DHRS9: variants seen among roughly 807,000 people sequenced by gnomAD.
DHRS9 encodes the protein dehydrogenase/reductase SDR family member 9.
DHRS9 carries 18 observed loss-of-function variants against 26.6 expected under a neutral mutation model. That is an observed-to-expected ratio of 0.68 (90% CI 0.47 to 1.00). The LOEUF is 1.00. DHRS9 is among the 50% of genes least tolerant of loss of function. DHRS9 has a pLI of 0.00. For missense variants in DHRS9, 425 were observed against 378.7 expected, an observed-to-expected ratio of 1.12 and a Z score of -1.01; for synonymous variants, 134 against 141.1, an observed-to-expected ratio of 0.95 and a Z score of 0.36.
Position 169,096,025 on chromosome 2 carries a change from A to AT in DHRS9, c.*259dup. ...ATTTAGGCTTTGCCTGCTTGGTGTG[A>AT]TGTAAGGGAAATTGAAAGACTTGCC... is the stretch of plus-strand genomic sequence containing the variant. On this transcript the variant is annotated 3_prime_UTR_variant, in exon 5 of 5. Transcript: ENST00000674881. 2.0e-6 allele frequency: 1 copy of AT among 487,996 alleles called. No individual in the cohort carries two copies. Among genetic ancestry groups the AT allele is most frequent in the Non-Finnish European group, 3.7e-6 (1 of 270,736 alleles). 30.2% of individuals were successfully genotyped at this position (487,996 alleles called of 1,614,324 possible). A position where few individuals can be genotyped will look rare whatever the true frequency, so the allele number is the denominator to read the frequency against.
chr2:169,082,927 C>T (rs963641163), intron 2 of DHRS9, among the ~76,000 whole-genome samples: 3 of 151,664 alleles, frequency 2.0e-5, no homozygotes, highest in Admixed American at 6.6e-5. Flanking sequence ...ATATATCTAA[C>T]GTTAAATGAC....
intron 1 of DHRS9, among the ~76,000 whole-genome samples, chr2:169,079,691 T>C (rs1176791890): frequency 6.6e-6 from 1 of 151,382 alleles, no homozygotes; most frequent in Non-Finnish European, 1.5e-5. Flanking sequence ...CCACCTCTAC[T>C]AAAAATACAA....
chr2:169,083,210 T>C lies in DHRS9; in HGVS notation c.314-119T>C, dbSNP rs551031973. 4 of 1,302,152 alleles carry C rather than the reference T, an allele frequency of 3.1e-6. No homozygotes were observed. In the African/African-American group the frequency reaches 4.4e-5, roughly 14 times the overall value. 80.7% of individuals were successfully genotyped at this position (1,302,152 alleles called of 1,614,324 possible). A position where few individuals can be genotyped will look rare whatever the true frequency, so the allele number is the denominator to read the frequency against. ...CCCAAAACTGCGAAGTATTTCAGAG[T>C]AGGAAAATGACTTCAAGGAGGAAAT... On this transcript the variant is annotated intron_variant, in intron 2 of 4. Transcript: ENST00000674881.
At chr2:169,082,278 C>T (rs974677768) in intron 2 of DHRS9, among the ~76,000 whole-genome samples, 2 of 152,132 alleles carry the variant, frequency 1.3e-5, no homozygotes, top group Non-Finnish European at 2.9e-5. Context: ...TACCTGGCAC[C>T]CACTTCTCCC....
chr2:169,071,278 A>G (rs796150624), intron 1 of DHRS9, among the ~76,000 whole-genome samples: 17 of 152,364 alleles, frequency 1.1e-4, no homozygotes, highest in African/African-American at 4.1e-4. Context: ...GACCATAAAT[A>G]AAGTAATCAT....
chr2:169,084,919 T>C (rs1352482401), intron 3 of DHRS9, among the ~76,000 whole-genome samples: 4 of 152,196 alleles, frequency 2.6e-5, no homozygotes, highest in Non-Finnish European at 5.9e-5. Flanking sequence ...CTAATTGTCC[T>C]GGAGAGTTAC....
chr2:169,093,467 A>G (rs1315534912), intron 4 of DHRS9, among the ~76,000 whole-genome samples: 1 of 152,146 alleles, frequency 6.6e-6, no homozygotes, highest in African/African-American at 2.4e-5. Flanking sequence ...ACTGCCATCA[A>G]ATACTCTACT....
intron 1 of DHRS9, among the ~76,000 whole-genome samples, chr2:169,079,908 AGGGAGGGAGGGG>A (rs1217956400): frequency 1.4e-5 from 1 of 71,598 alleles, no homozygotes; most frequent in Non-Finnish European, 2.5e-5. Context: ...GGAGGGAGGG[AGGGAGGGAGGGG>A]GAGAGAGAGA....
In DHRS9 at chr2:169,096,021, T is replaced by C. The variant is rs1684688294; in HGVS notation, c.*254T>C. ...CTGTATTTAGGCTTTGCCTGCTTGG[T>C]GTGATGTAAGGGAAATTGAAAGACT... is the stretch of plus-strand genomic sequence containing the variant. On this transcript the variant is annotated 3_prime_UTR_variant, in exon 5 of 5. Coordinates refer to ENST00000674881, the MANE Select transcript of DHRS9 (RefSeq NM_001376924.1). 3 of 505,508 alleles carry C rather than the reference T, an allele frequency of 5.9e-6. No individual in the cohort carries two copies. Among genetic ancestry groups the C allele is most frequent in the African/African-American group, 1.9e-5 (1 of 52,196 alleles). The allele number at this position is 505,508 out of a possible 1,614,324, so 31.3% of individuals were successfully genotyped here.
At chr2:169,094,002 G>A (rs1484646617) in intron 4 of DHRS9, among the ~76,000 whole-genome samples, 1 of 152,164 alleles carries the variant, frequency 6.6e-6, no homozygotes, top group Non-Finnish European at 1.5e-5. Flanking sequence ...ATTTGGGGGG[G>A]AAATCTCTAT....
chr2:169,093,346 A>ACACACG (rs1350121225), intron 4 of DHRS9, among the ~76,000 whole-genome samples: 9 of 151,924 alleles, frequency 5.9e-5, no homozygotes, highest in East Asian at 1.9e-4. Flanking sequence ...ACACACACGC[A>ACACACG]CACACACACA....
At chr2:169,072,538 G>C (rs1324577851) in intron 1 of DHRS9, 1 of 865,976 alleles carries the variant, frequency 1.2e-6, no homozygotes, top group Non-Finnish European at 1.4e-6. Context: ...AATAAGAGAA[G>C]TGAAATTAAA....
At chr2:169,091,171 A>C (rs533877728) in intron 3 of DHRS9, among the ~76,000 whole-genome samples, 2 of 152,044 alleles carry the variant, frequency 1.3e-5, no homozygotes, top group Admixed American at 6.6e-5. Flanking sequence ...GATTCCTGTA[A>C]AACCTTGATG....
intron 1 of DHRS9, among the ~76,000 whole-genome samples, chr2:169,077,219 T>C (rs1382615773): frequency 6.6e-6 from 1 of 152,132 alleles, no homozygotes; most frequent in Non-Finnish European, 1.5e-5. Context: ...TTTGTTCTTC[T>C]CTTTGAATTG....
chr2:169,093,351 C>T (rs1684594203), intron 4 of DHRS9, among the ~76,000 whole-genome samples: 1 of 151,734 alleles, frequency 6.6e-6, no homozygotes, highest in Non-Finnish European at 1.5e-5. Context: ...CACGCACACA[C>T]ACACACATGC....
At chr2:169,088,181 T>TTCC (rs1330665355) in intron 3 of DHRS9, among the ~76,000 whole-genome samples, 1 of 152,192 alleles carries the variant, frequency 6.6e-6, no homozygotes, top group Non-Finnish European at 1.5e-5. Context: ...AAATGGGCAA[T>TTCC]TCCTCCTCCG....
At chr2:169,095,434 T>C in intron 4 of DHRS9, 110 bp from the exon 5 acceptor site, 2 of 838,954 alleles carry the variant, frequency 2.4e-6, no homozygotes, top group South Asian at 3.1e-5. Context: ...TCAATTATAA[T>C]GGACAATTCA....
intron 3 of DHRS9, among the ~76,000 whole-genome samples, chr2:169,083,971 CT>C (rs988041850): frequency 2.4e-4 from 36 of 151,888 alleles, no homozygotes; most frequent in African/African-American, 8.0e-4. Flanking sequence ...TCTGTACCCC[CT>C]AACCATTCCC....
rs1300215416 is a variant in DHRS9 at position 169,081,612 on chromosome 2, C to T, written c.31C>T (p.Leu11Phe). 1 of 1,614,118 alleles carries T rather than the reference C, an allele frequency of 6.2e-7. No individual in the cohort carries two copies. Among genetic ancestry groups the T allele is most frequent in the South Asian group, 1.1e-5 (1 of 91,074 alleles). Residue 11 changes from leucine (L) to phenylalanine (F), a missense_variant, in exon 2 of 5, where the codon CTC (leucine) becomes TTC (phenylalanine). By Grantham distance (22) the Leu-to-Phe change is conservative. Transcript: ENST00000674881. Reference protein sequence around the residue: MLFWVLGLLILCGFLWTRKGK... With the variant: MLFWVLGLLIFCGFLWTRKGK... ...CTTTTGGGTGCTAGGCCTCCTAATC[C>T]TCTGTGGTTTTCTGTGGACTCGTAA...
Sources: allele counts gnomAD v4.1 joint callset (sites outside exome capture counted in the v4.1 genomes callset), GRCh38; gene constraint gnomAD v4.1.1; transcripts MANE v1.5; gene names NCBI Gene and HGNC (gene_info 2026-07-23, HGNC 2026-07-21).